MEF2C: variants seen among roughly 807,000 people sequenced by gnomAD.
The protein encoded by MEF2C is myocyte enhancer factor 2C, also known as myocyte-specific enhancer factor 2C.
In MEF2C, 6 loss-of-function variants were observed where a neutral mutation model predicts 50.5. The observed-to-expected ratio is 0.12, with a 90% CI of 0.07 to 0.23. The LOEUF is 0.23. MEF2C is among the 10% of genes least tolerant of loss of function. The pLI, the probability that MEF2C is intolerant of heterozygous loss-of-function variation, is 1.00. For missense variants in MEF2C, 276 were observed against 605.0 expected, an observed-to-expected ratio of 0.46 and a Z score of 5.70; for synonymous variants, 183 against 228.0, an observed-to-expected ratio of 0.80 and a Z score of 1.78.
chr5:88,744,739 C>T (rs1311297453), intron 6 of MEF2C, among the ~76,000 whole-genome samples: 1 of 152,150 alleles, frequency 6.6e-6, no homozygotes, highest in Non-Finnish European at 1.5e-5. Flanking sequence ...ACCAAGAGTA[C>T]AACTCCATCC....
chr5:88,790,393 C>A (rs1236012501), intron 3 of MEF2C, among the ~76,000 whole-genome samples: 2 of 152,298 alleles, frequency 1.3e-5, no homozygotes. Flanking sequence ...ATAAAGGGAT[C>A]CTGGGCCCTG....
chr5:88,815,551 C>T (rs1410258048), intron 2 of MEF2C, among the ~76,000 whole-genome samples: 1 of 152,036 alleles, frequency 6.6e-6, no homozygotes, highest in Non-Finnish European at 1.5e-5. Context: ...AAAAGAAACA[C>T]AAATACACAT....
intron 1 of MEF2C, among the ~76,000 whole-genome samples, chr5:88,834,411 A>G (rs1164188946): frequency 6.6e-6 from 1 of 152,202 alleles, no homozygotes; most frequent in Admixed American, 6.5e-5. Flanking sequence ...AAATTCAATC[A>G]GTCACAGAGA....
intron 2 of MEF2C, among the ~76,000 whole-genome samples, chr5:88,813,059 G>A (rs1803565827): frequency 6.6e-6 from 1 of 152,092 alleles, no homozygotes; most frequent in South Asian, 2.1e-4. Context: ...ACTAAATTGA[G>A]AGCCAGTTGG....
At chr5:88,901,577 G>A (rs1327026816) in intron 1 of MEF2C, among the ~76,000 whole-genome samples, 4 of 150,870 alleles carry the variant, frequency 2.7e-5, no homozygotes, top group African/African-American at 9.7e-5. Context: ...CTATCTGTAA[G>A]ATAGGAAGAT....
intron 1 of MEF2C, among the ~76,000 whole-genome samples, chr5:88,879,067 G>A (rs1478940460): frequency 6.6e-6 from 1 of 151,908 alleles, no homozygotes; most frequent in African/African-American, 2.4e-5. Flanking sequence ...TATTATAATA[G>A]TGCACAGAAA....
intron 3 of MEF2C, among the ~76,000 whole-genome samples, chr5:88,782,512 C>T (rs1788636830): frequency 6.6e-6 from 1 of 151,382 alleles, no homozygotes; most frequent in African/African-American, 2.4e-5. Flanking sequence ...ACAAACGCAA[C>T]AAAAAACCTC....
At position 88,793,128 on chromosome 5, in the gene MEF2C, A is replaced by G. The variant is rs1794534253; in HGVS notation, c.258+11470T>C. Among the ~76,000 whole-genome samples the G allele has an allele frequency of 3.3e-5, 5 of 152,186 alleles. No individual in the cohort carries two copies. In the South Asian group the frequency reaches 8.3e-4, roughly 25 times the overall value. On this transcript the variant is annotated intron_variant, in intron 3 of 10. Coordinates refer to ENST00000504921, the MANE Select transcript of MEF2C (RefSeq NM_002397.5). ...TGCTCTGATGGGAAAGATAGAACACATGATGACTGTAATACAGGGGAAGCA... is the reference window on the plus strand; with the variant it reads ...TGCTCTGATGGGAAAGATAGAACACGTGATGACTGTAATACAGGGGAAGCA...
chr5:88,743,004 G>C (rs1434043761), intron 6 of MEF2C: 19 of 973,138 alleles, frequency 2.0e-5, no homozygotes, highest in Non-Finnish European at 2.3e-5. Context: ...TTATGTTTTG[G>C]GTGAACTCCC....
upstream of MEF2C, chr5:88,887,552 A>G (rs762347763): frequency 6.6e-6 from 1 of 152,212 alleles, no homozygotes; most frequent in Admixed American, 6.5e-5. Flanking sequence ...TCTTTACTTC[A>G]TCTCTTCATA....
intron 1 of MEF2C, among the ~76,000 whole-genome samples, chr5:88,898,268 C>T (rs138782912): frequency 7.5e-4 from 114 of 152,228 alleles, no homozygotes; most frequent in African/African-American, 2.5e-3. Context: ...ACCAGTTAAG[C>T]AATATGGAAA....
intron 1 of MEF2C, among the ~76,000 whole-genome samples, chr5:88,860,492 A>AT (rs562217718): frequency 4.0e-5 from 6 of 151,030 alleles, no homozygotes; most frequent in Admixed American, 6.6e-5. Context: ...AGAAATTGTA[A>AT]TTTTTTTTTC....
chr5:88,739,347 AAAT>A, intron 6 of MEF2C: 1 of 984,852 alleles, frequency 1.0e-6, no homozygotes. Context: ...TTTAAAAAAA[AAAT>A]AAAGCAATTT....
chr5:88,866,829 T>C (rs1328085479), intron 1 of MEF2C, among the ~76,000 whole-genome samples: 1 of 152,214 alleles, frequency 6.6e-6, no homozygotes, highest in Non-Finnish European at 1.5e-5. Flanking sequence ...TCTGCACTAA[T>C]TAAATTTACT....
chr5:88,815,593 A>G (rs1488609214), intron 2 of MEF2C, among the ~76,000 whole-genome samples: 1 of 152,054 alleles, frequency 6.6e-6, no homozygotes, highest in Non-Finnish European at 1.5e-5. Context: ...TTTTTTCCTT[A>G]ATGATGTCAT....
chr5:88,881,131 C>G (rs1385024865), intron 1 of MEF2C: 1 of 152,116 alleles, frequency 6.6e-6, no homozygotes, highest in Non-Finnish European at 1.5e-5. Context: ...CACCTACTGT[C>G]TCTTTGACGG....
At position 88,894,422 on chromosome 5, in the gene MEF2C, G is replaced by A. The variant is rs140001928; in HGVS notation, c.-239-6824C>T. On this transcript the variant is annotated intron_variant, in intron 1 of 11. Coordinates refer to the MEF2C transcript ENST00000340208. Reference sequence around the variant, plus strand: ...TTCAGAAATACATATCTAAAGGCATGTCATCCTCTTTAAGGTAGACACTTT... The same window carrying A: ...TTCAGAAATACATATCTAAAGGCATATCATCCTCTTTAAGGTAGACACTTT... Among the ~76,000 whole-genome samples the A allele has an allele frequency of 9.2e-5, 14 of 152,320 alleles. No individual in the cohort carries two copies. The East Asian group carries it at 2.5e-3, about 27-fold the overall frequency.
At chr5:88,867,298 C>T (rs1827718091) in intron 1 of MEF2C, among the ~76,000 whole-genome samples, 2 of 152,116 alleles carry the variant, frequency 1.3e-5, no homozygotes, top group Admixed American at 6.5e-5. Flanking sequence ...TTGACTCTTT[C>T]CTTCTTCTTA....
chr5:88,732,012 G>T, intron 6 of MEF2C, 111 bp from the exon 7 acceptor site: 1 of 975,808 alleles, frequency 1.0e-6, no homozygotes, highest in Non-Finnish European at 1.5e-6. Context: ...GACGTACATT[G>T]CAAAACCATA....
Sources: allele counts gnomAD v4.1 joint callset (sites outside exome capture counted in the v4.1 genomes callset), GRCh38; gene constraint gnomAD v4.1.1; transcripts MANE v1.5; gene names NCBI Gene and HGNC (gene_info 2026-07-23, HGNC 2026-07-21).